The following CERS6 variants were observed in gnomAD, a reference collection of about 807,000 sequenced individuals.
The protein encoded by CERS6 is LAG1 homolog, ceramide synthase 6.
Under a neutral mutation model 56.8 loss-of-function variants are expected in CERS6, and 26 were observed. That is an observed-to-expected ratio of 0.46 (90% CI 0.34 to 0.63). The LOEUF (loss-of-function observed/expected upper bound fraction) is 0.63, where lower values mean the gene tolerates loss of function less well. Among genes scored for constraint, CERS6 ranks in the 30% least tolerant of loss-of-function variants. The pLI is 0.01. For missense variants in CERS6, 415 were observed against 467.5 expected (o/e 0.89, Z 1.04); for synonymous variants, 164 against 173.3 (o/e 0.95, Z 0.42).
chr2:168,733,833 T>C (rs1056800642), intron 8 of CERS6, among the ~76,000 whole-genome samples: 4 of 152,184 alleles, frequency 2.6e-5, no homozygotes, highest in African/African-American at 4.8e-5. Flanking sequence ...TCACTTCCCA[T>C]GCGTAACGTG....
chr2:168,614,311 G>A (rs182021948), intron 3 of CERS6, among the ~76,000 whole-genome samples: 31 of 152,310 alleles, frequency 2.0e-4, no homozygotes, highest in African/African-American at 6.3e-4. Context: ...ATATACACAT[G>A]TATAAACATC....
rs113043547 is a variant in CERS6, at chr2:168,527,629, G to A, written c.171-19967G>A. On this transcript the variant is annotated intron_variant, in intron 1 of 9. Coordinates refer to ENST00000305747, the MANE Select transcript of CERS6 (RefSeq NM_203463.3). Reference sequence around the variant, plus strand: ...CTGCTTCCAAGATGGCACCTTGAAGGCTGCATCCTCTGGAGTGGAGGAATG... The same window carrying A: ...CTGCTTCCAAGATGGCACCTTGAAGACTGCATCCTCTGGAGTGGAGGAATG... Among the ~76,000 whole-genome samples the A allele has an allele frequency of 8.6e-3, 1,303 of 152,296 alleles. 18 individuals carry two copies. The highest frequency in any genetic ancestry group is 0.014 in the Non-Finnish European group (922 of 68,010).
At chr2:168,711,539 G>A (rs540910210) in intron 6 of CERS6, among the ~76,000 whole-genome samples, 50 of 152,062 alleles carry the variant, frequency 3.3e-4, no homozygotes, top group Non-Finnish European at 5.7e-4. Context: ...TTCGAGACCA[G>A]TCTGGCCAAC....
chr2:168,587,386 A>G (rs1683569633), intron 3 of CERS6, among the ~76,000 whole-genome samples: 1 of 152,222 alleles, frequency 6.6e-6, no homozygotes, highest in African/African-American at 2.4e-5. Context: ...ACAGGGTAGC[A>G]TACCAAGTGG....
Position 168,695,011 on chromosome 2 carries a change from G to T in CERS6, c.569G>T (p.Trp190Leu). ...TACATCCTGGAGCTGTCGTTTTATTGGTCTTTGATGTTTTCTCAGTTCACT... is the reference window on the plus strand; with the variant it reads ...TACATCCTGGAGCTGTCGTTTTATTTGTCTTTGATGTTTTCTCAGTTCACT... ...YYYILELSFY[W>L]SLMFSQFTDI... is the part of the protein sequence containing the mutation. Residue 190 changes from tryptophan to leucine, a missense_variant, in exon 6 of 10, where the codon TGG becomes TTG. Coordinates refer to ENST00000305747, the MANE Select transcript of CERS6 (RefSeq NM_203463.3). 1.2e-6 allele frequency: 2 copies of T among 1,613,226 alleles called. No individual in the cohort carries two copies. The highest frequency in any genetic ancestry group is 1.7e-6 in the Non-Finnish European group (2 of 1,179,512).
At chr2:168,503,322 A>G (rs1217649072) in intron 1 of CERS6, among the ~76,000 whole-genome samples, 1 of 152,146 alleles carries the variant, frequency 6.6e-6, no homozygotes, top group African/African-American at 2.4e-5. Flanking sequence ...GGACTAATAC[A>G]GTGTCTGTGA....
intron 1 of CERS6, among the ~76,000 whole-genome samples, chr2:168,458,736 C>T (rs188362095): frequency 6.6e-6 from 1 of 152,320 alleles, no homozygotes; most frequent in Non-Finnish European, 1.5e-5. Context: ...ACATATGTCA[C>T]AGAATGCTAC....
At chr2:168,626,783 G>A (rs12329085) in intron 3 of CERS6, among the ~76,000 whole-genome samples, 47,380 of 151,900 alleles carry the variant, frequency 0.31, 8,187 homozygotes, top group South Asian at 0.47. Context: ...GGTCTTACAA[G>A]GTTGCTTCCT....
intron 1 of CERS6, among the ~76,000 whole-genome samples, chr2:168,464,854 G>C (rs1483089121): frequency 6.6e-6 from 1 of 152,160 alleles, no homozygotes; most frequent in Admixed American, 6.5e-5. Context: ...ATACGCATTA[G>C]GATGGCTGCT....
At chr2:168,561,978 A>G (rs1199551976) in intron 3 of CERS6, among the ~76,000 whole-genome samples, 4 of 152,188 alleles carry the variant, frequency 2.6e-5, no homozygotes, top group Admixed American at 2.6e-4. Flanking sequence ...AAAACCAGAG[A>G]AAAATACATT....
chr2:168,545,737 G>A (rs1001766927), intron 1 of CERS6, among the ~76,000 whole-genome samples: 4 of 152,212 alleles, frequency 2.6e-5, no homozygotes, highest in Non-Finnish European at 5.9e-5. Flanking sequence ...CACAGGCATT[G>A]TCACAGGGCA....
At chr2:168,718,458 T>C (rs1270914733) in intron 8 of CERS6, among the ~76,000 whole-genome samples, 1 of 152,182 alleles carries the variant, frequency 6.6e-6, no homozygotes, top group Non-Finnish European at 1.5e-5. Context: ...ATATAAGTCC[T>C]GGCAATGTGT....
intron 4 of CERS6, among the ~76,000 whole-genome samples, chr2:168,683,437 CTT>C (rs1227590784): frequency 6.6e-6 from 1 of 152,152 alleles, no homozygotes; most frequent in African/African-American, 2.4e-5. Flanking sequence ...GTTTTAATCA[CTT>C]TTTATGAACT....
intron 6 of CERS6, among the ~76,000 whole-genome samples, chr2:168,697,057 C>T (rs866790028): frequency 1.4e-4 from 22 of 152,136 alleles, no homozygotes; most frequent in African/African-American, 4.6e-4. Context: ...AGCTGAAAAG[C>T]GTTTAGGAGT....
At chr2:168,512,095 G>A (rs758854575) in intron 1 of CERS6, among the ~76,000 whole-genome samples, 2 of 152,264 alleles carry the variant, frequency 1.3e-5, no homozygotes, top group East Asian at 3.9e-4. Flanking sequence ...AAAAACTGCT[G>A]TATGATTCCA....
chr2:168,633,079 G>A (rs1048615864), intron 4 of CERS6, among the ~76,000 whole-genome samples: 5 of 151,822 alleles, frequency 3.3e-5, no homozygotes, highest in African/African-American at 9.7e-5. Flanking sequence ...TGTCAGTAGA[G>A]TGTTTCCTTG....
chr2:168,598,067 G>T (rs988221564), intron 3 of CERS6, among the ~76,000 whole-genome samples: 1 of 152,258 alleles, frequency 6.6e-6, no homozygotes, highest in East Asian at 1.9e-4. Flanking sequence ...TCTTTAAAAG[G>T]TTTGTTTACA....
rs1215664067 is a variant in CERS6 at position 168,772,208 on chromosome 2, C to T, written c.*2546C>T. 6.6e-6 allele frequency: 1 copy of T among 152,246 alleles called. No homozygotes were observed. The highest frequency in any genetic ancestry group is 2.4e-5 in the African/African-American group (1 of 41,442). The allele number at this position is 152,246 out of a possible 1,614,324, so 9.4% of individuals were successfully genotyped here. ...CAGAATGCTGTTTTTCGTTAATTAA[C>T]TTAGCCTGTGTTGATATCTCCTCCT... On this transcript the variant is annotated 3_prime_UTR_variant, in exon 10 of 10. Coordinates refer to ENST00000305747, the MANE Select transcript of CERS6 (RefSeq NM_203463.3).
At chr2:168,700,276 G>A (rs537074425) in intron 6 of CERS6, among the ~76,000 whole-genome samples, 4 of 152,296 alleles carry the variant, frequency 2.6e-5, no homozygotes, top group Admixed American at 2.6e-4. Context: ...TCATGCTCCA[G>A]ATCTTGCCTG....
Sources: gnomAD v4.1 joint callset for allele counts (sites outside exome capture counted in the v4.1 genomes callset) on GRCh38, gnomAD v4.1.1 for gene constraint, MANE v1.5 for transcripts, NCBI Gene and HGNC (gene_info 2026-07-23, HGNC 2026-07-21) for gene names.